The following OPHN1 variants were observed in gnomAD, a reference collection of about 807,000 sequenced individuals.
OPHN1 encodes the protein oligophrenin 1, also known as oligophrenin-1.
Under a neutral mutation model 60.7 loss-of-function variants are expected in OPHN1, and 11 were observed. The ratio of observed to expected loss-of-function variants is 0.18; its 90% CI spans 0.11 to 0.30. The LOEUF (loss-of-function observed/expected upper bound fraction) is 0.30. OPHN1 is among the 10% of genes least tolerant of loss of function. The pLI is 1.00. For missense variants in OPHN1, 449 were observed against 611.0 expected, an observed-to-expected ratio of 0.73 and a Z score of 2.80; for synonymous variants, 226 against 222.6, an observed-to-expected ratio of 1.02 and a Z score of -0.14.
intron 2 of OPHN1, among the ~76,000 whole-genome samples, chrX:68,387,646 C>T (rs2078631563): frequency 9.0e-6 from 1 of 111,372 alleles, no homozygotes; most frequent in African/African-American, 3.3e-5. Context: ...TACAGATATT[C>T]AATAAATATT....
chrX:68,106,870 G>A (rs1029674314), intron 18 of OPHN1, among the ~76,000 whole-genome samples: 2 of 111,478 alleles, frequency 1.8e-5, no homozygotes, highest in Non-Finnish European at 3.8e-5. Flanking sequence ...TTGAAACTAA[G>A]CCTATTTTTT....
intron 15 of OPHN1, among the ~76,000 whole-genome samples, chrX:68,125,991 A>G (rs1226371616): frequency 1.1e-5 from 1 of 93,401 alleles, no homozygotes; most frequent in African/African-American, 3.8e-5. Flanking sequence ...ATATACCCTC[A>G]ACAAAATACT....
chrX:68,084,276 A>G (rs1490617725), intron 19 of OPHN1, among the ~76,000 whole-genome samples: 1 of 98,534 alleles, frequency 1.0e-5, no homozygotes, highest in Non-Finnish European at 2.0e-5. Context: ...AAAGAACTTA[A>G]ACCTATGTTT....
At chrX:68,070,380 G>A (rs2076928689) in intron 20 of OPHN1, 1 of 480,909 alleles carries the variant, frequency 2.1e-6, no homozygotes, top group African/African-American at 2.3e-5. Context: ...CTGTGCAACT[G>A]TTTAAGGGTT....
chrX:68,242,121 A>G (rs2077784064), intron 5 of OPHN1, among the ~76,000 whole-genome samples: 1 of 107,380 alleles, frequency 9.3e-6, no homozygotes, highest in African/African-American at 3.4e-5. Flanking sequence ...AATACAGAAA[A>G]TAGCCTGTAA....
intron 12 of OPHN1, among the ~76,000 whole-genome samples, chrX:68,196,014 G>A (rs997009969): frequency 7.1e-5 from 8 of 112,008 alleles, no homozygotes; most frequent in Non-Finnish European, 1.3e-4. Context: ...AATGTCACAA[G>A]CATGAAAGAG....
chrX:68,081,252 A>G (rs1305962092), intron 19 of OPHN1, among the ~76,000 whole-genome samples: 2 of 111,618 alleles, frequency 1.8e-5, no homozygotes, highest in African/African-American at 6.5e-5. Context: ...AGAGTACAAA[A>G]TAGAGGTGAG....
chrX:68,236,648 T>C (rs2077754155), intron 5 of OPHN1, among the ~76,000 whole-genome samples: 1 of 112,049 alleles, frequency 8.9e-6, no homozygotes, highest in Non-Finnish European at 1.9e-5. Context: ...GGAATCTGCA[T>C]TATGGCCTTT....
intron 2 of OPHN1, among the ~76,000 whole-genome samples, chrX:68,432,500 C>T (rs946880838): frequency 3.6e-5 from 4 of 111,739 alleles, no homozygotes; most frequent in African/African-American, 6.5e-5. Context: ...TGGGGCAGTT[C>T]CTTGGTCAGC....
At chrX:68,283,670 T>C (rs1005713546) in intron 3 of OPHN1, among the ~76,000 whole-genome samples, 1 of 112,081 alleles carries the variant, frequency 8.9e-6, no homozygotes, top group African/African-American at 3.2e-5. Context: ...TCAATGTCTT[T>C]ATATACAAAA....
chrX:68,254,083 T>C (rs886546559), intron 5 of OPHN1, among the ~76,000 whole-genome samples: 5 of 111,884 alleles, frequency 4.5e-5, no homozygotes, highest in African/African-American at 1.6e-4. Context: ...TGTCAGCTTC[T>C]TTCTTAAGCC....
intron 4 of OPHN1, among the ~76,000 whole-genome samples, chrX:68,278,391 G>C (rs756733105): frequency 8.9e-6 from 1 of 112,055 alleles, no homozygotes; most frequent in South Asian, 3.8e-4. Flanking sequence ...GCTCACTGGG[G>C]ACAAAAACTC....
chrX:68,127,814 C>A (rs1024643558), intron 15 of OPHN1, among the ~76,000 whole-genome samples: 3 of 111,251 alleles, frequency 2.7e-5, no homozygotes, highest in African/African-American at 9.8e-5. Flanking sequence ...ATGACAATAC[C>A]CACATTCCCC....
chrX:68,274,741 G>T lies in OPHN1; in HGVS notation c.381C>A (p.Thr127=). 8.4e-7 allele frequency: 1 copy of T among 1,189,881 alleles called. No homozygotes were observed. The highest frequency in any genetic ancestry group is 1.1e-6 in the Non-Finnish European group (1 of 876,656). ...ENFRKEQIGF[T]KERKKKFEKD... is the part of the protein sequence containing the mutation. ...TATGCATATACAGAAAATGTACCTT[G>T]GTGAAGCCTATTTGTTCCTTCCGGA... The change falls in exon 5 of 25, where the codon ACC becomes ACA. Residue 127 remains threonine (T), a synonymous_variant. Transcript: ENST00000355520.
chrX:68,358,633 A>T (rs1162976334), intron 2 of OPHN1, among the ~76,000 whole-genome samples: 1 of 111,759 alleles, frequency 8.9e-6, no homozygotes, highest in Non-Finnish European at 1.9e-5. Flanking sequence ...CCATACTAAT[A>T]CTAAGCTCTT....
At chrX:68,399,777 C>T (rs1330077799) in intron 2 of OPHN1, among the ~76,000 whole-genome samples, 3 of 111,056 alleles carry the variant, frequency 2.7e-5, no homozygotes, top group Non-Finnish European at 5.7e-5. Flanking sequence ...TGGGCAACTA[C>T]TCCATACCTT....
At chrX:68,343,614 C>A in intron 2 of OPHN1, among the ~76,000 whole-genome samples, 1 of 109,409 alleles carries the variant, frequency 9.1e-6, no homozygotes, top group Admixed American at 9.8e-5. Context: ...CTCATTAAAA[C>A]TGTCATATAA....
At chrX:68,089,881 A>C (rs1345289887) in intron 19 of OPHN1, among the ~76,000 whole-genome samples, 1 of 111,955 alleles carries the variant, frequency 8.9e-6, no homozygotes, top group Non-Finnish European at 1.9e-5. Flanking sequence ...ACTTGAAGCT[A>C]CGTTTTCAAA....
intron 2 of OPHN1, among the ~76,000 whole-genome samples, chrX:68,341,006 G>GAA (rs369219130): frequency 2.4e-5 from 1 of 41,807 alleles, no homozygotes. Context: ...GTCTCAAAAA[G>GAA]AAAAAAAAAA....
Sources: allele counts gnomAD v4.1 joint callset (sites outside exome capture counted in the v4.1 genomes callset), GRCh38; gene constraint gnomAD v4.1.1; transcripts MANE v1.5; gene names NCBI Gene and HGNC (gene_info 2026-07-23, HGNC 2026-07-21).